GRK7: variants seen among roughly 807,000 people sequenced by gnomAD.
The protein encoded by GRK7 is G protein-coupled receptor kinase 7, also known as rhodopsin kinase GRK7.
In GRK7, 24 loss-of-function variants were observed where a neutral mutation model predicts 34.1. The ratio of observed to expected loss-of-function variants is 0.70; its 90% CI spans 0.51 to 0.99. The LOEUF is 0.99. Among genes scored for constraint, GRK7 ranks in the 50% least tolerant of loss-of-function variants. The pLI, the probability that GRK7 is intolerant of heterozygous loss-of-function variation, is 0.00. For synonymous variants in GRK7, 256 were observed against 279.4 expected (o/e 0.92, Z 0.84); for missense variants, 644 against 707.3 (o/e 0.91, Z 1.02).
At position 141,799,115 on chromosome 3, in the gene GRK7, C is replaced by CA. The variant is rs149333049; in HGVS notation, c.1051-8524dup. Among the ~76,000 whole-genome samples the CA allele has an allele frequency of 2.0e-5, 3 of 152,002 alleles. No individual in the cohort carries two copies. In the East Asian group the frequency reaches 5.8e-4, roughly 29 times the overall value. On this transcript the variant is annotated intron_variant, in intron 4 of 5. Coordinates refer to ENST00000682958, the MANE Select transcript of GRK7 (RefSeq NM_139209.3). The stretch of plus-strand genomic sequence containing the variant: ...AGCAGCCGAGCCAGCCTGAAACAGG[C>CA]AAAAAATGGAGAATTCACTGGGATA...
At chr3:141,803,723 CCT>C (rs1359487903) in intron 4 of GRK7, among the ~76,000 whole-genome samples, 6 of 152,100 alleles carry the variant, frequency 3.9e-5, no homozygotes, top group Non-Finnish European at 7.4e-5. Flanking sequence ...CCTTTCTTCC[CCT>C]CTCTCCCCTC....
At chr3:141,754,572 CTG>C in the GRK7 span, among the ~76,000 whole-genome samples, 109 of 151,872 alleles carry the variant, frequency 7.2e-4, no homozygotes, top group African/African-American at 2.5e-3. Context: ...TCCTGAATAA[CTG>C]GGATTACAGG....
At chr3:141,804,049 A>G (rs975142089) in intron 4 of GRK7, among the ~76,000 whole-genome samples, 1 of 152,166 alleles carries the variant, frequency 6.6e-6, no homozygotes, top group African/African-American at 2.4e-5. Flanking sequence ...TACTCCTTGT[A>G]TATCATTAAC....
Position 141,778,353 on chromosome 3 carries a change from G to A in GRK7, c.69G>A (p.Ser23=), listed in dbSNP as rs1409696087. The change falls in exon 3 of 6, where the codon TCG becomes TCA. Residue 23 remains serine, a synonymous_variant. Coordinates refer to ENST00000682958, the MANE Select transcript of GRK7 (RefSeq NM_139209.3). This position sits in a 1 kb window ranked among gnomAD's most constrained non-coding sequence, Gnocchi z 4.1. ...NTAYLQARKP[S]DCDSKELQRR... Reference sequence around the variant, plus strand: ...CCTACCTGCAGGCCCGGAAGCCCTCGGACTGCGACAGCAAAGAGCTGCAGC... The same window carrying A: ...CCTACCTGCAGGCCCGGAAGCCCTCAGACTGCGACAGCAAAGAGCTGCAGC... 2.5e-6 allele frequency: 4 copies of A among 1,609,432 alleles called. No individual in the cohort carries two copies. Among genetic ancestry groups the A allele is most frequent in the South Asian group, 1.1e-5 (1 of 90,890 alleles).
At chr3:141,751,458 G>A in the GRK7 span, among the ~76,000 whole-genome samples, 1 of 152,188 alleles carries the variant, frequency 6.6e-6, no homozygotes, top group African/African-American at 2.4e-5. Context: ...AGTTTAAAGT[G>A]TTGAACCTTC....
chr3:141,816,344 A>T (rs73872344), intron 5 of GRK7, among the ~76,000 whole-genome samples: 2 of 152,072 alleles, frequency 1.3e-5, no homozygotes, highest in Admixed American at 1.3e-4. Context: ...AGATATGCTT[A>T]ACTTGTTCTG....
intron 5 of GRK7, among the ~76,000 whole-genome samples, chr3:141,814,680 T>G (rs1207698961): frequency 1.3e-5 from 2 of 152,222 alleles, no homozygotes; most frequent in Admixed American, 1.3e-4. Context: ...GGTGCTGTGA[T>G]GAACATATGA....
chr3:141,806,274 C>G (rs192130232), intron 4 of GRK7, among the ~76,000 whole-genome samples: 18 of 152,198 alleles, frequency 1.2e-4, no homozygotes, highest in Non-Finnish European at 2.1e-4. Context: ...TCTGAAAAGT[C>G]CGAGTCGGCC....
the GRK7 span, among the ~76,000 whole-genome samples, chr3:141,752,830 T>C: frequency 1.4e-4 from 21 of 152,298 alleles, no homozygotes; most frequent in South Asian, 8.3e-4. Flanking sequence ...TTGGTGGCTT[T>C]ATAGGAAGAG....
intron 4 of GRK7, among the ~76,000 whole-genome samples, chr3:141,784,775 CTT>C (rs1371062687): frequency 7.2e-5 from 11 of 152,178 alleles, no homozygotes; most frequent in Non-Finnish European, 1.6e-4. Flanking sequence ...GTGTTGGAAA[CTT>C]AATCTCCAAT....
chr3:141,766,868 A>C (rs2084583876), intron 1 of GRK7, among the ~76,000 whole-genome samples: 1 of 152,198 alleles, frequency 6.6e-6, no homozygotes. Flanking sequence ...CATACAGTTC[A>C]TTTGCATATC....
At chr3:141,763,099 C>T (rs927944017), upstream of GRK7, among the ~76,000 whole-genome samples, 3 of 152,230 alleles carry the variant, frequency 2.0e-5, no homozygotes, top group East Asian at 3.9e-4. Context: ...GTGTCGCTCA[C>T]GCTGGGAGCT....
chr3:141,766,806 G>T (rs1433639214), intron 1 of GRK7, among the ~76,000 whole-genome samples: 2 of 152,056 alleles, frequency 1.3e-5, no homozygotes, highest in South Asian at 4.1e-4. Context: ...ATAAAATCTC[G>T]TACTTTCCAG....
At chr3:141,815,671 TA>T (rs5853050) in intron 5 of GRK7, among the ~76,000 whole-genome samples, 69,769 of 150,436 alleles carry the variant, frequency 0.46, 17,543 homozygotes, top group Middle Eastern at 0.63. Flanking sequence ...ATTAGGTTAT[TA>T]AAAAAAACTA....
rs6440037 is a variant in GRK7 at position 141,818,275 on chromosome 3, C to G, written c.*1225C>G. 3.9e-5 allele frequency: 6 copies of G among 152,052 alleles called. No individual in the cohort carries two copies. Among genetic ancestry groups the G allele is most frequent in the African/African-American group, 1.4e-4 (6 of 41,494 alleles). The allele number at this position is 152,052 out of a possible 1,614,324, so 9.4% of individuals were successfully genotyped here. A position where few individuals can be genotyped will look rare whatever the true frequency, so the allele number is the denominator to read the frequency against. Reference sequence around the variant, plus strand: ...GGCAGATGGATCATGAGGTCAGGGGCTCAAGACTAGCCTGGCCAACATGTT... The same window carrying G: ...GGCAGATGGATCATGAGGTCAGGGGGTCAAGACTAGCCTGGCCAACATGTT... On this transcript the variant is annotated 3_prime_UTR_variant, in exon 6 of 6. Coordinates refer to ENST00000682958, the MANE Select transcript of GRK7 (RefSeq NM_139209.3).
intron 4 of GRK7, among the ~76,000 whole-genome samples, chr3:141,793,004 C>A (rs564450015): frequency 6.6e-6 from 1 of 152,226 alleles, no homozygotes; most frequent in South Asian, 2.1e-4. Context: ...AACACATCCA[C>A]GTGCTGGGAG....
rs2084573787 is a variant in GRK7, at chr3:141,765,016, C to T, written c.-937C>T. Among the ~76,000 whole-genome samples the T allele has an allele frequency of 6.6e-6, 1 of 152,142 alleles. No homozygotes were observed. Among genetic ancestry groups the T allele is most frequent in the African/African-American group, 2.4e-5 (1 of 41,398 alleles). ...TGGTTTTTCTGTTTTAACCCTTGCC[C>T]CTTCTGTCTGTGATCCTGTTAAAAT... On this transcript the variant is annotated 5_prime_UTR_variant, in exon 1 of 6. Transcript: ENST00000682958.
Position 141,793,557 on chromosome 3 carries a change from C to T in GRK7, c.1050+12746C>T, listed in dbSNP as rs533325388. ...CAGGCGGTGGGGACTAAGACCTCAG[C>T]CATCCTTCAGGGAGCTCTGGAGTTG... On this transcript the variant is annotated intron_variant, in intron 4 of 5. Coordinates refer to ENST00000682958, the MANE Select transcript of GRK7 (RefSeq NM_139209.3). Among the ~76,000 whole-genome samples, 15 of 152,180 alleles carry T rather than the reference C, an allele frequency of 9.9e-5. No homozygotes were observed. In the South Asian group the frequency reaches 3.1e-3, roughly 32 times the overall value.
At chr3:141,803,514 T>C (rs927096853) in intron 4 of GRK7, among the ~76,000 whole-genome samples, 3 of 151,992 alleles carry the variant, frequency 2.0e-5, no homozygotes, top group Non-Finnish European at 4.4e-5. Context: ...CCAAAAGAAA[T>C]CCCATATCCT....
Sources: allele counts gnomAD v4.1 joint callset (sites outside exome capture counted in the v4.1 genomes callset), GRCh38; gene constraint gnomAD v4.1.1; non-coding constraint Gnocchi (gnomAD v3.1); transcripts MANE v1.5; gene names NCBI Gene and HGNC (gene_info 2026-07-23, HGNC 2026-07-21).